NUAK1: variants seen among roughly 807,000 people sequenced by gnomAD.
The protein encoded by NUAK1 is NUAK family SNF1-like kinase 1.
NUAK1 carries 26 observed loss-of-function variants against 56.9 expected under a neutral mutation model. That is an observed-to-expected ratio of 0.46 (90% confidence interval 0.33 to 0.63). NUAK1 has a LOEUF of 0.63. Among genes scored for constraint, NUAK1 ranks in the 30% least tolerant of loss-of-function variants. The probability of loss-of-function intolerance (pLI) is 0.02; values close to 1 mark genes in which losing one functional copy is unlikely to be tolerated. For missense variants in NUAK1, 727 were observed against 876.1 expected, an observed-to-expected ratio of 0.83 and a Z score of 2.15; for synonymous variants, 337 against 336.0, an observed-to-expected ratio of 1.00 and a Z score of -0.03.
At chr12:106,075,286 A>AACACACACACACACAC (rs370123170) in intron 4 of NUAK1, among the ~76,000 whole-genome samples, 1,420 of 133,898 alleles carry the variant, frequency 0.011, 19 homozygotes, top group African/African-American at 0.025. Flanking sequence ...AGTATTAATC[A>AACACACACACACACAC]ACACACACAC....
At chr12:106,087,302 G>T (rs141729712) in intron 2 of NUAK1, among the ~76,000 whole-genome samples, 3 of 152,276 alleles carry the variant, frequency 2.0e-5, no homozygotes, top group African/African-American at 7.2e-5. Flanking sequence ...ACCCCAAAAT[G>T]GGTGCTCAAT....
chr12:106,072,969 C>T (rs1439556644), intron 4 of NUAK1, 126 bp from the exon 5 acceptor site: 9 of 1,029,708 alleles, frequency 8.7e-6, no homozygotes, highest in South Asian at 3.2e-5. Flanking sequence ...CTGGCTGGAT[C>T]GCCATTTTCT....
At chr12:106,137,572 A>C (rs958703137) in intron 1 of NUAK1, among the ~76,000 whole-genome samples, 56 of 152,236 alleles carry the variant, frequency 3.7e-4, no homozygotes, top group Admixed American at 1.8e-3. Flanking sequence ...CAAGGCTGGG[A>C]CAAGGCAGAC....
intron 4 of NUAK1, among the ~76,000 whole-genome samples, chr12:106,075,165 C>A (rs995101394): frequency 3.3e-5 from 5 of 152,142 alleles, no homozygotes; most frequent in Non-Finnish European, 5.9e-5. Context: ...CCACTCCTAT[C>A]CTCACAGACT....
chr12:106,066,700 A>T lies in NUAK1; in HGVS notation c.*102T>A. The T allele has an allele frequency of 1.0e-6, 1 of 1,000,196 alleles. No individual in the cohort carries two copies. The highest frequency in any genetic ancestry group is 2.4e-5 in the East Asian group (1 of 41,806). The allele number at this position is 1,000,196 out of a possible 1,614,324, so 62.0% of individuals were successfully genotyped here. A position where few individuals can be genotyped will look rare whatever the true frequency, so the allele number is the denominator to read the frequency against. On this transcript the variant is annotated 3_prime_UTR_variant, in exon 7 of 7. Transcript: ENST00000261402. Reference sequence around the variant, plus strand: ...AGTGAGACAGTGCCAATCCTTTTTCAGTCTGTTGTCACAGCCAGCAAAGAG... The same window carrying T: ...AGTGAGACAGTGCCAATCCTTTTTCTGTCTGTTGTCACAGCCAGCAAAGAG...
chr12:106,138,716 G>T lies in NUAK1; in HGVS notation c.-63C>A, dbSNP rs998453192. 1 of 1,435,092 alleles carries T rather than the reference G, an allele frequency of 7.0e-7. No homozygotes were observed. Among genetic ancestry groups the T allele is most frequent in the Non-Finnish European group, 9.1e-7 (1 of 1,102,114 alleles). 88.9% of individuals were successfully genotyped at this position (1,435,092 alleles called of 1,614,324 possible). A position where few individuals can be genotyped will look rare whatever the true frequency, so the allele number is the denominator to read the frequency against. ...ACCGGGCACAGCGCTGGGATGTCGG[G>T]GTCCCCACCGAGGGAAGCCGCTGTA... On this transcript the variant is annotated 5_prime_UTR_variant, in exon 1 of 7. Transcript: ENST00000261402. This position sits in a 1 kb window ranked among gnomAD's most constrained non-coding sequence, Gnocchi z 5.0.
rs752653438 is a variant in NUAK1, at chr12:106,067,813, GGACTCA to G, written c.969_974del (p.Glu324_Ser325del). The G allele has an allele frequency of 7.2e-5, 116 of 1,614,064 alleles. No homozygotes were observed. Among genetic ancestry groups the G allele is most frequent in the Non-Finnish European group, 1.6e-5 (19 of 1,180,040 alleles). ...AGTCAATGATCCGAGCCAGGAGTGG[GGACTCA>G]GAGTCATGGAGGGCATCACAGTCAC... On this transcript the variant is annotated inframe_deletion, in exon 7 of 7. Coordinates refer to ENST00000261402, the MANE Select transcript of NUAK1 (RefSeq NM_014840.3). The surrounding 1 kb of genome is among the most constrained non-coding windows in gnomAD (Gnocchi z 6.0).
Position 106,138,591 on chromosome 12 carries a change from G to A in NUAK1, c.63C>T (p.Gly21=). 1 of 1,583,594 alleles carries A rather than the reference G, an allele frequency of 6.3e-7. No homozygotes were observed. The highest frequency in any genetic ancestry group is 8.5e-7 in the Non-Finnish European group (1 of 1,172,220). ...CCCCCGCCACCGCCTCTCGGGGAGA[G>A]CCCGGCGCCCCCAGCCCCAAGTCGG... is the stretch of plus-strand genomic sequence containing the variant. ...DRPDLGLGAP[G]SPREAVAGAT... is the part of the protein sequence containing the mutation. The change falls in exon 1 of 7, where the codon GGC becomes GGT. Residue 21 remains glycine (G), a synonymous_variant. Transcript: ENST00000261402. This position sits in a 1 kb window ranked among gnomAD's most constrained non-coding sequence, Gnocchi z 5.0.
intron 4 of NUAK1, among the ~76,000 whole-genome samples, chr12:106,074,689 A>G (rs552907583): frequency 6.6e-6 from 1 of 152,258 alleles, no homozygotes; most frequent in African/African-American, 2.4e-5. Context: ...TGCATGATTC[A>G]CATGCCCAGA....
chr12:106,077,019 C>G (rs912879297), intron 4 of NUAK1, among the ~76,000 whole-genome samples: 1 of 152,160 alleles, frequency 6.6e-6, no homozygotes, highest in Non-Finnish European at 1.5e-5. Flanking sequence ...ATTTTACCAC[C>G]ATAAAAGGAT....
rs1251690703 is a variant in NUAK1, at chr12:106,138,279, T to C, written c.240+135A>G. The stretch of plus-strand genomic sequence containing the variant: ...GGTGCTGGAGAAAGAGTGAGGAGTC[T>C]GTCTCGGGGCTTCCCAATGAGCCCC... On this transcript the variant is annotated intron_variant, in intron 1 of 6. Coordinates refer to ENST00000261402, the MANE Select transcript of NUAK1 (RefSeq NM_014840.3). The surrounding 1 kb of genome is among the most constrained non-coding windows in gnomAD (Gnocchi z 5.0). The C allele has an allele frequency of 4.1e-6, 5 of 1,208,894 alleles. No homozygotes were observed. Among genetic ancestry groups the C allele is most frequent in the Non-Finnish European group, 5.6e-6 (5 of 895,586 alleles). The allele number at this position is 1,208,894 out of a possible 1,614,324, so 74.9% of individuals were successfully genotyped here. A position where few individuals can be genotyped will look rare whatever the true frequency, so the allele number is the denominator to read the frequency against.
chr12:106,106,858 GA>G (rs1162024260), intron 1 of NUAK1, among the ~76,000 whole-genome samples: 1 of 151,412 alleles, frequency 6.6e-6, no homozygotes, highest in African/African-American at 2.4e-5. Flanking sequence ...TTTGAAAAAA[GA>G]AAAAAAGGCA....
chr12:106,072,927 CAG>C lies in NUAK1; in HGVS notation c.580-86_580-85del. 1.1e-5 allele frequency: 17 copies of C among 1,517,744 alleles called. No homozygotes were observed. In the South Asian group the frequency reaches 1.9e-4, roughly 17 times the overall value. The allele number at this position is 1,517,744 out of a possible 1,614,324, so 94.0% of individuals were successfully genotyped here. A position where few individuals can be genotyped will look rare whatever the true frequency, so the allele number is the denominator to read the frequency against. On this transcript the variant is annotated intron_variant, in intron 4 of 6. Transcript: ENST00000261402. ...GGATCAGTTCACACCACACAGCACA[CAG>C]AGTGGATGAAGGGCACCTGGGTGGG...
intron 3 of NUAK1, among the ~76,000 whole-genome samples, chr12:106,085,878 T>A (rs963041862): frequency 1.3e-5 from 2 of 151,886 alleles, no homozygotes; most frequent in Non-Finnish European, 2.9e-5. Context: ...GGCTACTTTT[T>A]AAAAAAAATT....
chr12:106,105,246 C>T (rs190375657), intron 2 of NUAK1, among the ~76,000 whole-genome samples: 1 of 152,122 alleles, frequency 6.6e-6, no homozygotes, highest in African/African-American at 2.4e-5. Flanking sequence ...AGCCACTGCA[C>T]CCAGCAATAA....
chr12:106,100,042 T>A (rs74348621), intron 2 of NUAK1, among the ~76,000 whole-genome samples: 7,208 of 141,340 alleles, frequency 0.051, 619 homozygotes, highest in African/African-American at 0.17. Flanking sequence ...GGCCAGAGGA[T>A]CTACCAAAAA....
At chr12:106,101,665 G>A (rs2032749622) in intron 2 of NUAK1, among the ~76,000 whole-genome samples, 1 of 152,158 alleles carries the variant, frequency 6.6e-6, no homozygotes, top group Non-Finnish European at 1.5e-5. Flanking sequence ...CCAGTCTATG[G>A]TATTTTCTTA....
At chr12:106,129,522 G>A (rs564576409) in intron 1 of NUAK1, among the ~76,000 whole-genome samples, 11 of 152,310 alleles carry the variant, frequency 7.2e-5, no homozygotes, top group South Asian at 2.1e-4. Context: ...ACAAGGACAC[G>A]AGACACGGGG....
intron 1 of NUAK1, among the ~76,000 whole-genome samples, chr12:106,127,169 A>G (rs1324897809): frequency 1.3e-5 from 2 of 151,828 alleles, no homozygotes; most frequent in African/African-American, 4.8e-5. Flanking sequence ...TTTTCTTTTT[A>G]TTTTCTTTTA....
Sources: gnomAD v4.1 joint callset for allele counts (sites outside exome capture counted in the v4.1 genomes callset) on GRCh38, gnomAD v4.1.1 for gene constraint, Gnocchi (gnomAD v3.1) non-coding constraint, MANE v1.5 for transcripts, NCBI Gene and HGNC (gene_info 2026-07-23, HGNC 2026-07-21) for gene names.